PLEKHH2: variants seen among roughly 807,000 people sequenced by gnomAD.
The protein encoded by PLEKHH2 is pleckstrin homology, MyTH4 and FERM domain containing H2, also known as pleckstrin homology domain-containing family H member 2.
PLEKHH2 carries 129 observed loss-of-function variants against 187.9 expected under a neutral mutation model. That is an observed-to-expected ratio of 0.69 (90% CI 0.59 to 0.79). The LOEUF (loss-of-function observed/expected upper bound fraction) is 0.79. Ranked by LOEUF, PLEKHH2 falls within the 30% of genes least tolerant of loss-of-function variation. The probability of loss-of-function intolerance (pLI) is 0.00; values close to 1 mark genes in which losing one functional copy is unlikely to be tolerated. For synonymous variants in PLEKHH2, 686 were observed against 605.6 expected (o/e 1.13, Z -1.95); for missense variants, 2,076 against 1,751.2 (o/e 1.19, Z -3.31).
intron 2 of PLEKHH2, chr2:43,676,472 G>C: frequency 1.6e-6 from 1 of 624,428 alleles, no homozygotes; most frequent in African/African-American, 1.9e-5. Flanking sequence ...GAAGGGGGCG[G>C]GGCAGGAGCG....
At chr2:43,705,734 G>T (rs1426256813) in intron 9 of PLEKHH2, among the ~76,000 whole-genome samples, 2 of 152,044 alleles carry the variant, frequency 1.3e-5, no homozygotes, top group African/African-American at 4.8e-5. Flanking sequence ...CAATTCTTGT[G>T]CCTCAGCCTC....
At chr2:43,678,816 T>A (rs767592739) in intron 2 of PLEKHH2, 47 bp from the exon 3 acceptor site, 1 of 1,445,422 alleles carries the variant, frequency 6.9e-7, no homozygotes, top group African/African-American at 1.4e-5. Flanking sequence ...GAAAGGCTCA[T>A]TTTTCAAAAA....
intron 2 of PLEKHH2, among the ~76,000 whole-genome samples, chr2:43,652,147 C>G (rs1191680786): frequency 6.6e-6 from 1 of 152,136 alleles, no homozygotes; most frequent in Non-Finnish European, 1.5e-5. Flanking sequence ...TTCACTTATT[C>G]AATTTTGTAA....
chr2:43,761,742 T>C (rs1051956575), intron 27 of PLEKHH2, among the ~76,000 whole-genome samples: 9 of 152,210 alleles, frequency 5.9e-5, no homozygotes, highest in African/African-American at 2.2e-4. Flanking sequence ...AAAAATTCGG[T>C]GGAAATTTTC....
Position 43,757,208 on chromosome 2 carries a change from C to G in PLEKHH2, c.3885C>G (p.Val1295=), listed in dbSNP as rs754525831. The G allele has an allele frequency of 8.1e-6, 13 of 1,602,732 alleles. No homozygotes were observed. The East Asian group carries it at 1.4e-4, about 17-fold the overall frequency. The change falls in exon 26 of 30, where the codon GTC becomes GTG. Residue 1295 remains valine, a synonymous_variant. Coordinates refer to ENST00000282406, the MANE Select transcript of PLEKHH2 (RefSeq NM_172069.4). ...QCKVNQTLKQ[V]IEKFYPKRYR... ...AAGTGAATCAAACTCTAAAGCAAGTCATAGAGAAATTTTATCCTAAAAGGT... is the reference window on the plus strand; with the variant it reads ...AAGTGAATCAAACTCTAAAGCAAGTGATAGAGAAATTTTATCCTAAAAGGT...
Position 43,700,428 on chromosome 2 carries a change from T to A in PLEKHH2, c.1470T>A (p.Asp490Glu), listed in dbSNP as rs770821206. 6.2e-7 allele frequency: 1 copy of A among 1,614,000 alleles called. No homozygotes were observed. The highest frequency in any genetic ancestry group is 8.5e-7 in the Non-Finnish European group (1 of 1,179,968). ...TGAGACCTCAGGAAACTGATCTTGA[T>A]CTAGTTGATGGAGACAGTACAGAAG... ...RPLRPQETDL[D>E]LVDGDSTEVL... The change falls in exon 8 of 30, where the codon GAT becomes GAA. Residue 490 changes from aspartate (D) to glutamate (E), a missense_variant. Asp to Glu is a conservative substitution (Grantham distance 45). Coordinates refer to ENST00000282406, the MANE Select transcript of PLEKHH2 (RefSeq NM_172069.4).
intron 18 of PLEKHH2, 39 bp from the exon 19 acceptor site, chr2:43,731,451 T>C (rs768617089): frequency 4.5e-6 from 6 of 1,324,202 alleles, no homozygotes; most frequent in Non-Finnish European, 6.5e-6. Context: ...CAATAAGTGG[T>C]TTATTCAGTT....
chr2:43,715,383 T>TTTGTC (rs1356735527), intron 15 of PLEKHH2, among the ~76,000 whole-genome samples: 2 of 152,210 alleles, frequency 1.3e-5, no homozygotes. Flanking sequence ...GAAAGCTATT[T>TTTGTC]TTGTCTTTTT....
intron 9 of PLEKHH2, among the ~76,000 whole-genome samples, chr2:43,705,903 C>T (rs1003268): frequency 2.0e-5 from 3 of 152,112 alleles, no homozygotes; most frequent in Non-Finnish European, 4.4e-5. Flanking sequence ...CCACCATGCC[C>T]CACCAGAACA....
intron 24 of PLEKHH2, among the ~76,000 whole-genome samples, chr2:43,748,928 T>C (rs546773234): frequency 5.5e-4 from 83 of 152,154 alleles, no homozygotes; most frequent in Non-Finnish European, 9.3e-4. Context: ...AGCTAATTTT[T>C]GTATTTTTAG....
chr2:43,672,244 T>A (rs1326495065), intron 2 of PLEKHH2, among the ~76,000 whole-genome samples: 4 of 152,212 alleles, frequency 2.6e-5, no homozygotes, highest in Admixed American at 6.5e-5. Context: ...TTACTGATAT[T>A]GATAATTTGT....
intron 3 of PLEKHH2, among the ~76,000 whole-genome samples, chr2:43,684,889 G>A (rs62136374): frequency 6.6e-6 from 1 of 151,230 alleles, no homozygotes; most frequent in African/African-American, 2.4e-5. Context: ...AAACCTGTAG[G>A]CATTTCTTTT....
chr2:43,757,754 A>G (rs1415858489), intron 26 of PLEKHH2, among the ~76,000 whole-genome samples: 2 of 130,050 alleles, frequency 1.5e-5, no homozygotes, highest in Admixed American at 1.6e-4. Context: ...AAGCTTTAGA[A>G]TCTATATTTA....
chr2:43,722,307 A>G (rs182326718), intron 16 of PLEKHH2, among the ~76,000 whole-genome samples: 2 of 152,184 alleles, frequency 1.3e-5, no homozygotes, highest in South Asian at 2.1e-4. Context: ...CGTAAATATT[A>G]GAGAAGTTTT....
At chr2:43,691,774 C>T (rs983368061) in intron 3 of PLEKHH2, among the ~76,000 whole-genome samples, 24 of 152,196 alleles carry the variant, frequency 1.6e-4, no homozygotes, top group Non-Finnish European at 1.2e-4. Flanking sequence ...CTGCCTGCCT[C>T]GGCCTCCCAA....
rs547466894 is a variant in PLEKHH2, at chr2:43,673,968, C to G, written c.124-4895C>G. 8.7e-4 allele frequency among the ~76,000 whole-genome samples: 133 copies of G among 152,248 alleles called. 1 individual carries two copies. The highest frequency in any genetic ancestry group is 3.1e-3 in the African/African-American group (130 of 41,528). ...GGGAAGATAGTACAAGATAGGAAGT[C>G]AGTGCCATAGGAGCAGAAAAAAAGT... On this transcript the variant is annotated intron_variant, in intron 2 of 29. Coordinates refer to ENST00000282406, the MANE Select transcript of PLEKHH2 (RefSeq NM_172069.4).
chr2:43,686,614 G>A (rs1055441596), intron 3 of PLEKHH2, among the ~76,000 whole-genome samples: 2 of 152,096 alleles, frequency 1.3e-5, no homozygotes, highest in African/African-American at 4.8e-5. Flanking sequence ...TTCATTATAT[G>A]GAAAGCAAAT....
At chr2:43,671,499 C>T (rs1667497045) in intron 2 of PLEKHH2, among the ~76,000 whole-genome samples, 2 of 152,066 alleles carry the variant, frequency 1.3e-5, no homozygotes, top group Admixed American at 6.5e-5. Flanking sequence ...TAGGTTAGCA[C>T]CTGCAGTAAA....
In PLEKHH2 at chr2:43,765,433, G is replaced by A; in HGVS notation, c.4317G>A (p.Leu1439=). Residue 1439 remains leucine (L), a synonymous_variant, in exon 30 of 30, where the codon TTG becomes TTA. Transcript: ENST00000282406. Reference sequence around the variant, plus strand: ...TTTAGATTCTTGAAATCACTCTTTTGATCGCCAGTTACATAAACAACTTCC... The same window carrying A: ...TTTAGATTCTTGAAATCACTCTTTTAATCGCCAGTTACATAAACAACTTCC... ...AKPKILEITL[L]IASYINNFHQ... 6.2e-7 allele frequency: 1 copy of A among 1,614,000 alleles called. No homozygotes were observed. The highest frequency in any genetic ancestry group is 8.5e-7 in the Non-Finnish European group (1 of 1,179,970).
Sources: allele counts gnomAD v4.1 joint callset (sites outside exome capture counted in the v4.1 genomes callset), GRCh38; gene constraint gnomAD v4.1.1; transcripts MANE v1.5; gene names NCBI Gene and HGNC (gene_info 2026-07-23, HGNC 2026-07-21).